Variants in IGDCC3 observed in about 807,000 individuals in gnomAD.
IGDCC3 encodes putative neuronal cell adhesion molecule.
In IGDCC3, 47 loss-of-function variants were observed where a neutral mutation model predicts 72.0. That is an observed-to-expected ratio of 0.65 (90% CI 0.52 to 0.83). The LOEUF (loss-of-function observed/expected upper bound fraction) is 0.83, where lower values mean the gene tolerates loss of function less well. Ranked by LOEUF, IGDCC3 falls within the 40% of genes least tolerant of loss-of-function variation. IGDCC3 has a pLI of 0.00. For synonymous variants in IGDCC3, 477 were observed against 472.8 expected (o/e 1.01, Z -0.11); for missense variants, 1,038 against 1,091.3 (o/e 0.95, Z 0.69).
At chr15:65,370,246 G>T (rs761021653) in intron 2 of IGDCC3, among the ~76,000 whole-genome samples, 13 of 151,966 alleles carry the variant, frequency 8.6e-5, no homozygotes, top group Non-Finnish European at 1.6e-4. Flanking sequence ...GCTGGACACG[G>T]TGGCTCACAC....
At position 65,330,716 on chromosome 15, in the gene IGDCC3, C is replaced by A. The variant is rs780898082; in HGVS notation, c.1587G>T (p.Val529=). The A allele has an allele frequency of 3.1e-6, 5 of 1,611,540 alleles. No homozygotes were observed. The highest frequency in any genetic ancestry group is 4.2e-6 in the Non-Finnish European group (5 of 1,178,856). The part of the protein sequence containing the change: ...GEAPAPPPLS[V]RVLGSSSLQL... ...GCAAGGAGGAGCTGCCCAGGACTCGCACTGACAGTGGGGGTGGGGCAGGGG... is the reference window on the plus strand; with the variant it reads ...GCAAGGAGGAGCTGCCCAGGACTCGAACTGACAGTGGGGGTGGGGCAGGGG... The change falls in exon 10 of 14, where the codon GTG becomes GTT. Residue 529 remains valine (V), a synonymous_variant. Coordinates refer to ENST00000327987, the MANE Select transcript of IGDCC3 (RefSeq NM_004884.4).
chr15:65,364,732 T>A (rs542273542), intron 2 of IGDCC3, among the ~76,000 whole-genome samples: 2 of 151,978 alleles, frequency 1.3e-5, no homozygotes, highest in East Asian at 3.9e-4. Context: ...AATACAAAAA[T>A]TAGCCCGGCG....
At position 65,375,250 on chromosome 15, in the gene IGDCC3, T is replaced by C; in HGVS notation, c.256A>G (p.Thr86Ala). ...RKNGVELPES[T>A]HSTLLANGSL... is the part of the protein sequence containing the mutation. ...CCATTGGCCAGCAAGGTGGAGTGGG[T>C]ACTCTCTGGCAGCTCTACCCCATTC... The change falls in exon 2 of 14, where the codon ACC becomes GCC. Residue 86 changes from threonine to alanine, a missense_variant. Transcript: ENST00000327987. 2 of 1,614,140 alleles carry C rather than the reference T, an allele frequency of 1.2e-6. No homozygotes were observed. Among genetic ancestry groups the C allele is most frequent in the Admixed American group, 3.3e-5 (2 of 60,024 alleles).
At chr15:65,359,571 A>G (rs2091247694) in intron 2 of IGDCC3, among the ~76,000 whole-genome samples, 1 of 152,136 alleles carries the variant, frequency 6.6e-6, no homozygotes, top group Non-Finnish European at 1.5e-5. Flanking sequence ...CCCACTCAGT[A>G]CTTAGTAGTG....
At position 65,331,200 on chromosome 15, in the gene IGDCC3, C is replaced by G; in HGVS notation, c.1411G>C (p.Glu471Gln). ...CTCTTGCTGACTGCCTCCTGATACT[C>G]CAGCTCCGGTGGGTCTGGAGAGGCA... ...IRKAADPPEL[E>Q]YQEAVSKSTF... Residue 471 changes from glutamate (E) to glutamine (Q), a missense_variant, in exon 9 of 14, where the codon GAG (glutamate) becomes CAG (glutamine). Coordinates refer to ENST00000327987, the MANE Select transcript of IGDCC3 (RefSeq NM_004884.4). 6.2e-7 allele frequency: 1 copy of G among 1,613,958 alleles called. No homozygotes were observed. The highest frequency in any genetic ancestry group is 8.5e-7 in the Non-Finnish European group (1 of 1,179,974).
Position 65,333,266 on chromosome 15 carries a change from C to A in IGDCC3, c.973G>T (p.Val325Leu). 6.2e-7 allele frequency: 1 copy of A among 1,606,056 alleles called. No homozygotes were observed. Among genetic ancestry groups the A allele is most frequent in the Non-Finnish European group, 8.5e-7 (1 of 1,176,408 alleles). Residue 325 changes from valine to leucine, a missense_variant, in exon 6 of 14, where the codon GTG becomes TTG. By Grantham distance (32) the Val-to-Leu change is conservative. Coordinates refer to ENST00000327987, the MANE Select transcript of IGDCC3 (RefSeq NM_004884.4). ...RVRRTAQGRLVVQAPAEFVQH... is the reference protein window; with the variant it reads ...RVRRTAQGRLLVQAPAEFVQH... ...GTTGGCTGATCCATACCTTGCACCACCAGCCGGCCCTGTGCCGTTCTCCTC... is the reference window on the plus strand; with the variant it reads ...GTTGGCTGATCCATACCTTGCACCAACAGCCGGCCCTGTGCCGTTCTCCTC...
intron 2 of IGDCC3, among the ~76,000 whole-genome samples, chr15:65,337,060 C>T (rs182275064): frequency 1.3e-5 from 2 of 152,272 alleles, no homozygotes; most frequent in Non-Finnish European, 2.9e-5. Context: ...GCTCCTGCTC[C>T]TGGCTCCCTG....
Position 65,339,206 on chromosome 15 carries a change from C to T in IGDCC3, c.410-3250G>A, listed in dbSNP as rs960429679. Among the ~76,000 whole-genome samples, 7 of 152,180 alleles carry T rather than the reference C, an allele frequency of 4.6e-5. No individual in the cohort carries two copies. The highest frequency in any genetic ancestry group is 1.7e-4 in the African/African-American group (7 of 41,434). ...AAGCAACTCTCCTGCCTCAGCCTCC[C>T]GAGTAGCTGGTACTACAGATGCACG... is the stretch of plus-strand genomic sequence containing the variant. On this transcript the variant is annotated intron_variant, in intron 2 of 13. Transcript: ENST00000327987. The surrounding 1 kb of genome is among the most constrained non-coding windows in gnomAD (Gnocchi z 4.1).
Position 65,329,213 on chromosome 15 carries a change from C to A in IGDCC3, c.2206-65G>T. 1 of 1,545,044 alleles carries A rather than the reference C, an allele frequency of 6.5e-7. No individual in the cohort carries two copies. Among genetic ancestry groups the A allele is most frequent in the Non-Finnish European group, 8.7e-7 (1 of 1,150,858 alleles). On this transcript the variant is annotated intron_variant, in intron 13 of 13. Transcript: ENST00000327987. This position sits in a 1 kb window ranked among gnomAD's most constrained non-coding sequence, Gnocchi z 4.1. Reference sequence around the variant, plus strand: ...CCAGGGCGCCAGGCTCCAACTCACCCCACTTGGGCCTTAGGGTCTCCAGGT... The same window carrying A: ...CCAGGGCGCCAGGCTCCAACTCACCACACTTGGGCCTTAGGGTCTCCAGGT...
At chr15:65,371,562 G>C (rs980064284) in intron 2 of IGDCC3, among the ~76,000 whole-genome samples, 2 of 152,170 alleles carry the variant, frequency 1.3e-5, no homozygotes, top group Admixed American at 6.5e-5. Context: ...CCTTGGCCTA[G>C]AATTATGAAT....
At position 65,377,107 on chromosome 15, in the gene IGDCC3, C is replaced by G. The variant is rs148616868; in HGVS notation, c.103+579G>C. Among the ~76,000 whole-genome samples the G allele has an allele frequency of 9.7e-4, 147 of 152,306 alleles. No homozygotes were observed. Among genetic ancestry groups the G allele is most frequent in the Middle Eastern group, 3.4e-3 (1 of 294 alleles). ...TCCTCTCCTTCTTGGCTCACGGGCT[C>G]TGTCCCGGGTCGCTCCCTAGCCACG... On this transcript the variant is annotated intron_variant, in intron 1 of 13. Coordinates refer to ENST00000327987, the MANE Select transcript of IGDCC3 (RefSeq NM_004884.4). This position sits in a 1 kb window ranked among gnomAD's most constrained non-coding sequence, Gnocchi z 4.9.
intron 2 of IGDCC3, among the ~76,000 whole-genome samples, chr15:65,372,548 G>A (rs535890510): frequency 3.0e-4 from 45 of 152,260 alleles, no homozygotes; most frequent in African/African-American, 9.6e-4. Flanking sequence ...CCTCTGGCCC[G>A]GAGCTCAGAT....
chr15:65,360,886 C>G (rs1461639247), intron 2 of IGDCC3, among the ~76,000 whole-genome samples: 1 of 152,184 alleles, frequency 6.6e-6, no homozygotes, highest in African/African-American at 2.4e-5. Context: ...AGTGATTCTC[C>G]TGTCTCAGCC....
intron 2 of IGDCC3, among the ~76,000 whole-genome samples, chr15:65,338,302 T>C (rs1477933213): frequency 2.6e-5 from 4 of 152,338 alleles, no homozygotes; most frequent in Middle Eastern, 3.4e-3. Context: ...CTGCTAAACA[T>C]TTAATTTGAA....
chr15:65,338,268 G>C (rs866096139), intron 2 of IGDCC3, among the ~76,000 whole-genome samples: 3 of 152,194 alleles, frequency 2.0e-5, no homozygotes, highest in Non-Finnish European at 4.4e-5. Context: ...TGTACCTCTC[G>C]ATCAGCTTGA....
intron 2 of IGDCC3, among the ~76,000 whole-genome samples, chr15:65,342,699 CCT>C (rs1491487920): frequency 3.3e-5 from 5 of 152,328 alleles, no homozygotes; most frequent in Admixed American, 3.3e-4. Context: ...TGCACTCCCC[CCT>C]CTTGGCCACG....
rs1488234481 is a variant in IGDCC3, at chr15:65,339,542, T to C, written c.410-3586A>G. ...TTGATTCACAAGTGTGTTTATGCCC[T>C]GGCTTGTGCCAGCAGGCCACAGAGC... On this transcript the variant is annotated intron_variant, in intron 2 of 13. Transcript: ENST00000327987. The surrounding 1 kb of genome is among the most constrained non-coding windows in gnomAD (Gnocchi z 4.1). 6.6e-6 allele frequency among the ~76,000 whole-genome samples: 1 copy of C among 152,260 alleles called. No homozygotes were observed. The highest frequency in any genetic ancestry group is 1.9e-4 in the East Asian group (1 of 5,206).
chr15:65,339,487 C>A lies in IGDCC3; in HGVS notation c.410-3531G>T, dbSNP rs1165457702. 6.6e-6 allele frequency among the ~76,000 whole-genome samples: 1 copy of A among 152,218 alleles called. No individual in the cohort carries two copies. The highest frequency in any genetic ancestry group is 2.4e-5 in the African/African-American group (1 of 41,456). The stretch of plus-strand genomic sequence containing the variant: ...AAAAGGGATGTTGAGGCCATTTCGG[C>A]CCCCTCTAGTTTCTCAGGGTGGAAC... On this transcript the variant is annotated intron_variant, in intron 2 of 13. Coordinates refer to ENST00000327987, the MANE Select transcript of IGDCC3 (RefSeq NM_004884.4). The surrounding 1 kb of genome is among the most constrained non-coding windows in gnomAD (Gnocchi z 4.1).
chr15:65,365,342 T>C (rs2091283526), intron 2 of IGDCC3, among the ~76,000 whole-genome samples: 2 of 152,154 alleles, frequency 1.3e-5, no homozygotes, highest in Admixed American at 6.5e-5. Flanking sequence ...CTGTGGCCTC[T>C]TGATAGTACC....
Sources: gnomAD v4.1 joint callset for allele counts (sites outside exome capture counted in the v4.1 genomes callset) on GRCh38, gnomAD v4.1.1 for gene constraint, Gnocchi (gnomAD v3.1) non-coding constraint, MANE v1.5 for transcripts, NCBI Gene and HGNC (gene_info 2026-07-23, HGNC 2026-07-21) for gene names.